The following GLIPR2 variants were observed in gnomAD, a reference collection of about 807,000 sequenced individuals.
GLIPR2 encodes Golgi-associated plant pathogenesis-related protein 1.
A neutral mutation model predicts 20.4 loss-of-function variants in GLIPR2; 21 were observed. The ratio of observed to expected loss-of-function variants is 1.03; its 90% CI spans 0.73 to 1.48. The LOEUF (loss-of-function observed/expected upper bound fraction) is 1.48. Ranked by LOEUF, GLIPR2 falls within the 40% of genes most tolerant of loss-of-function variation. GLIPR2 has a pLI of 0.00. For synonymous variants in GLIPR2, 91 were observed against 80.5 expected, an observed-to-expected ratio of 1.13 and a Z score of -0.70; for missense variants, 205 against 200.1, an observed-to-expected ratio of 1.02 and a Z score of -0.15.
At chr9:36,158,003 G>A (rs1825910914) in intron 4 of GLIPR2, among the ~76,000 whole-genome samples, 1 of 151,934 alleles carries the variant, frequency 6.6e-6, no homozygotes, top group Non-Finnish European at 1.5e-5. Flanking sequence ...AGTAGAGACG[G>A]GGTTTCATCA....
In GLIPR2 at chr9:36,148,548, T is replaced by C. The variant is rs750006032; in HGVS notation, c.124T>C (p.Tyr42His). The C allele has an allele frequency of 1.2e-6, 2 of 1,612,452 alleles. No homozygotes were observed. The highest frequency in any genetic ancestry group is 1.7e-6 in the Non-Finnish European group (2 of 1,178,560). Residue 42 changes from tyrosine (Y) to histidine (H), a missense_variant and splice_region_variant, in exon 3 of 5, where the codon TAT (tyrosine) becomes CAT (histidine). Tyr to His is a moderately conservative substitution (Grantham distance 83). Coordinates refer to ENST00000377960, the MANE Select transcript of GLIPR2 (RefSeq NM_022343.4). ...CKNLNREAQQ[Y>H]SEALASTRIL... ...GAGGAGGCGCTGTGAACTCTGCAGGTATTCTGAGGCCCTGGCCAGCACGAG... is the reference window on the plus strand; with the variant it reads ...GAGGAGGCGCTGTGAACTCTGCAGGCATTCTGAGGCCCTGGCCAGCACGAG...
At chr9:36,137,273 T>A (rs1824865092) in intron 1 of GLIPR2, among the ~76,000 whole-genome samples, 1 of 152,148 alleles carries the variant, frequency 6.6e-6, no homozygotes. Context: ...CCCTTTCTCC[T>A]GGGGCACCCC....
In GLIPR2 at chr9:36,162,666, T is replaced by G; in HGVS notation, c.*144T>G. 1.3e-6 allele frequency: 1 copy of G among 764,904 alleles called. No homozygotes were observed. The highest frequency in any genetic ancestry group is 2.2e-6 in the Non-Finnish European group (1 of 460,804). 47.4% of individuals were successfully genotyped at this position (764,904 alleles called of 1,614,324 possible). ...ATGTGAGCGTCTCTGGCACACACACTTGGACATACAGTTCTGTGTGCGCTC... is the reference window on the plus strand; with the variant it reads ...ATGTGAGCGTCTCTGGCACACACACGTGGACATACAGTTCTGTGTGCGCTC... On this transcript the variant is annotated 3_prime_UTR_variant, in exon 5 of 5. Transcript: ENST00000377960.
At chr9:36,154,080 ATAT>A (rs1301983614) in intron 4 of GLIPR2, among the ~76,000 whole-genome samples, 10 of 94,714 alleles carry the variant, frequency 1.1e-4, no homozygotes, top group South Asian at 3.9e-4. Context: ...TATATATTAT[ATAT>A]TATATATATA....
chr9:36,147,964 G>A, intron 2 of GLIPR2, 70 bp downstream of exon 2: 1 of 807,598 alleles, frequency 1.2e-6, no homozygotes, highest in South Asian at 1.3e-5. Context: ...AAGGGGCCCT[G>A]TGGCCAGGCA....
chr9:36,157,349 T>A (rs1374589486), intron 4 of GLIPR2, among the ~76,000 whole-genome samples: 5 of 151,012 alleles, frequency 3.3e-5, no homozygotes, highest in African/African-American at 9.7e-5. Flanking sequence ...TTTATTTTTT[T>A]ATTTTTTATT....
At chr9:36,144,821 CCTT>C (rs1385655635) in intron 1 of GLIPR2, 1 of 152,268 alleles carries the variant, frequency 6.6e-6, no homozygotes, top group Non-Finnish European at 1.5e-5. Flanking sequence ...GTTACCTTCA[CCTT>C]CTGGGTCTGT....
At chr9:36,139,551 GCTGT>G (rs773647537) in intron 1 of GLIPR2, among the ~76,000 whole-genome samples, 1 of 152,308 alleles carries the variant, frequency 6.6e-6, no homozygotes, top group South Asian at 2.1e-4. Context: ...GCCCAGGGCT[GCTGT>G]CTGTGTCTAT....
At chr9:36,139,322 C>T (rs772421489) in intron 1 of GLIPR2, among the ~76,000 whole-genome samples, 14 of 152,134 alleles carry the variant, frequency 9.2e-5, no homozygotes, top group Non-Finnish European at 1.5e-4. Flanking sequence ...CACACACACA[C>T]ACACCCAGGG....
intron 1 of GLIPR2, among the ~76,000 whole-genome samples, chr9:36,137,446 A>G (rs1269439935): frequency 1.3e-5 from 2 of 152,074 alleles, no homozygotes; most frequent in Non-Finnish European, 2.9e-5. Context: ...TCCGCCCTAC[A>G]CTAGAGCTGT....
At chr9:36,156,426 A>G (rs936122995) in intron 4 of GLIPR2, among the ~76,000 whole-genome samples, 2 of 151,530 alleles carry the variant, frequency 1.3e-5, no homozygotes, top group Non-Finnish European at 2.9e-5. Flanking sequence ...ATTGTAGTAA[A>G]GCACATATAA....
chr9:36,155,275 A>G (rs761787927), intron 4 of GLIPR2, among the ~76,000 whole-genome samples: 1 of 152,250 alleles, frequency 6.6e-6, no homozygotes, highest in Non-Finnish European at 1.5e-5. Context: ...ATGTAGACAA[A>G]GAAATAAATT....
chr9:36,143,818 G>T (rs936048399), intron 1 of GLIPR2, among the ~76,000 whole-genome samples: 1 of 152,142 alleles, frequency 6.6e-6, no homozygotes, highest in Non-Finnish European at 1.5e-5. Flanking sequence ...GCTCCTTTTG[G>T]TCGCCAGAAA....
intron 1 of GLIPR2, among the ~76,000 whole-genome samples, chr9:36,147,063 ACT>A: frequency 6.6e-6 from 1 of 151,938 alleles, no homozygotes; most frequent in Non-Finnish European, 1.5e-5. Flanking sequence ...CCCCACTCAG[ACT>A]CACACACCAG....
intron 4 of GLIPR2, among the ~76,000 whole-genome samples, chr9:36,159,409 A>G (rs1395632813): frequency 6.6e-6 from 1 of 152,238 alleles, no homozygotes; most frequent in Non-Finnish European, 1.5e-5. Flanking sequence ...TGGATCTTCT[A>G]TATTACTTTT....
Position 36,154,641 on chromosome 9 carries a change from C to T in GLIPR2, c.304+3692C>T, listed in dbSNP as rs116934645. Reference sequence around the variant, plus strand: ...AGAAAAAGGAACCTTCGTTAGTGGACTAGAGTTAGAAACCAGTGTGTATTT... The same window carrying T: ...AGAAAAAGGAACCTTCGTTAGTGGATTAGAGTTAGAAACCAGTGTGTATTT... On this transcript the variant is annotated intron_variant, in intron 4 of 4. Transcript: ENST00000377960. Among the ~76,000 whole-genome samples the T allele has an allele frequency of 2.1e-3, 313 of 152,290 alleles. 1 individual carries two copies. The highest frequency in any genetic ancestry group is 3.3e-3 in the South Asian group (16 of 4,830).
At chr9:36,143,862 C>T (rs1165467491) in intron 1 of GLIPR2, among the ~76,000 whole-genome samples, 1 of 152,186 alleles carries the variant, frequency 6.6e-6, no homozygotes, top group Admixed American at 6.5e-5. Context: ...TTAGGCTGAG[C>T]TGAAATCTGT....
Position 36,147,872 on chromosome 9 carries a change from A to G in GLIPR2, c.100A>G (p.Asn34Asp). Reference sequence around the variant, plus strand: ...CGTCCCCCCACTGAAGCTCTGCAAGAACCTCAACCGGGAGGCTCAACAGTG... The same window carrying G: ...CGTCCCCCCACTGAAGCTCTGCAAGGACCTCAACCGGGAGGCTCAACAGTG... ...HGVPPLKLCK[N>D]LNREAQQYSE... The change falls in exon 2 of 5, where the codon AAC (asparagine) becomes GAC (aspartate). Residue 34 changes from asparagine to aspartate, a missense_variant. By Grantham distance (23) the Asn-to-Asp change is conservative. Coordinates refer to ENST00000377960, the MANE Select transcript of GLIPR2 (RefSeq NM_022343.4). The G allele has an allele frequency of 6.4e-7, 1 of 1,573,354 alleles. No homozygotes were observed. The highest frequency in any genetic ancestry group is 8.7e-7 in the Non-Finnish European group (1 of 1,142,858).
At chr9:36,149,594 G>T (rs543884298) in intron 3 of GLIPR2, among the ~76,000 whole-genome samples, 1 of 152,220 alleles carries the variant, frequency 6.6e-6, no homozygotes, top group Admixed American at 6.5e-5. Context: ...GCCTCGCACA[G>T]CCTCCCTCGG....
Sources: gnomAD v4.1 joint callset for allele counts (sites outside exome capture counted in the v4.1 genomes callset) on GRCh38, gnomAD v4.1.1 for gene constraint, MANE v1.5 for transcripts, NCBI Gene and HGNC (gene_info 2026-07-23, HGNC 2026-07-21) for gene names.